Variants in DPYSL5 observed in about 807,000 individuals in gnomAD.
DPYSL5 encodes the protein dihydropyrimidinase-related protein 5.
A neutral mutation model predicts 58.4 loss-of-function variants in DPYSL5; 9 were observed. The ratio of observed to expected loss-of-function variants is 0.15; its 90% confidence interval spans 0.09 to 0.27. DPYSL5 has a LOEUF of 0.27. Ranked by LOEUF, DPYSL5 falls within the 10% of genes least tolerant of loss-of-function variation. DPYSL5 has a pLI of 1.00. For synonymous variants in DPYSL5, 293 were observed against 301.9 expected, an observed-to-expected ratio of 0.97 and a Z score of 0.31; for missense variants, 499 against 770.6, an observed-to-expected ratio of 0.65 and a Z score of 4.17.
At chr2:26,913,154 A>G (rs1307403900) in intron 2 of DPYSL5, among the ~76,000 whole-genome samples, 1 of 152,206 alleles carries the variant, frequency 6.6e-6, no homozygotes, top group Non-Finnish European at 1.5e-5. Context: ...GTACATTCGC[A>G]TTGTTGTGCA....
chr2:26,940,260 C>T (rs978257833), intron 9 of DPYSL5, 88 bp downstream of exon 9: 7 of 1,472,172 alleles, frequency 4.8e-6, no homozygotes, highest in Non-Finnish European at 6.4e-6. Flanking sequence ...GTATTCACTC[C>T]TCAGATCCTG....
chr2:26,881,145 C>T, intron 1 of DPYSL5, among the ~76,000 whole-genome samples: 1 of 152,114 alleles, frequency 6.6e-6, no homozygotes, highest in East Asian at 1.9e-4. Flanking sequence ...AAGGTCACTG[C>T]CCTCACCTGT....
At position 26,880,782 on chromosome 2, in the gene DPYSL5, G is replaced by A. The variant is rs187257467; in HGVS notation, c.-4-17714G>A. 2.0e-5 allele frequency among the ~76,000 whole-genome samples: 3 copies of A among 152,330 alleles called. 1 individual carries two copies. The East Asian group carries it at 5.8e-4, about 29-fold the overall frequency. Reference sequence around the variant, plus strand: ...CGTTCCTGTGGCTGACGCTGTAAATGCAAGCTGCTTTCTCACCGCCATCTC... The same window carrying A: ...CGTTCCTGTGGCTGACGCTGTAAATACAAGCTGCTTTCTCACCGCCATCTC... On this transcript the variant is annotated intron_variant, in intron 1 of 12. Transcript: ENST00000288699.
intron 6 of DPYSL5, among the ~76,000 whole-genome samples, chr2:26,932,006 CAAAAAAAA>C (rs70953833): frequency 3.1e-4 from 13 of 42,568 alleles, no homozygotes; most frequent in African/African-American, 7.5e-4. Flanking sequence ...GAGACTCTGT[CAAAAAAAA>C]AAAAAAAAAA....
At chr2:26,929,036 G>T (rs1012077736) in intron 5 of DPYSL5, among the ~76,000 whole-genome samples, 4 of 152,000 alleles carry the variant, frequency 2.6e-5, no homozygotes, top group Non-Finnish European at 4.4e-5. Context: ...GTACAGGACC[G>T]CAGAGCAGGA....
chr2:26,859,324 A>G (rs1204165013), intron 1 of DPYSL5, among the ~76,000 whole-genome samples: 1 of 152,004 alleles, frequency 6.6e-6, no homozygotes, highest in African/African-American at 2.4e-5. Context: ...TACCTAGCTG[A>G]TAATATGTTT....
chr2:26,931,597 AGAT>A (rs773922062), intron 5 of DPYSL5, 40 bp from the exon 6 acceptor site: 1 of 1,612,220 alleles, frequency 6.2e-7, no homozygotes, highest in Non-Finnish European at 8.5e-7. Flanking sequence ...TCCTTGGAGG[AGAT>A]GGTGAAGTTT....
At chr2:26,911,934 C>T (rs1664450035) in intron 2 of DPYSL5, among the ~76,000 whole-genome samples, 1 of 152,192 alleles carries the variant, frequency 6.6e-6, no homozygotes. Context: ...TTTTTCCCAC[C>T]AGGTGGAAAA....
In DPYSL5 at chr2:26,950,250, G is replaced by A. The variant is rs570841093; in HGVS notation, c.*3255G>A. ...GCTAAGACTGTGTCAACCCCAAGAC[G>A]ACACATGGTCCTGTGCTTTGGCCAC... On this transcript the variant is annotated 3_prime_UTR_variant, in exon 13 of 13. Coordinates refer to ENST00000288699, the MANE Select transcript of DPYSL5 (RefSeq NM_020134.4). The surrounding 1 kb of genome is among the most constrained non-coding windows in gnomAD (Gnocchi z 5.3). The A allele has an allele frequency of 2.6e-5, 4 of 152,310 alleles. No individual in the cohort carries two copies. Among genetic ancestry groups the A allele is most frequent in the South Asian group, 4.1e-4 (2 of 4,826 alleles). The allele number at this position is 152,310 out of a possible 1,614,324, so 9.4% of individuals were successfully genotyped here.
At chr2:26,888,243 T>TTCTG (rs1312847378) in intron 1 of DPYSL5, among the ~76,000 whole-genome samples, 83 of 145,322 alleles carry the variant, frequency 5.7e-4, no homozygotes, top group African/African-American at 1.8e-3. Flanking sequence ...CTTTCTTTCT[T>TTCTG]TCTTTCTTTC....
chr2:26,918,069 G>A (rs138235848), intron 2 of DPYSL5, among the ~76,000 whole-genome samples: 1,660 of 151,118 alleles, frequency 0.011, 26 homozygotes, highest in African/African-American at 0.038. Flanking sequence ...CCTGGGAGGC[G>A]GAGGTTTCAG....
intron 2 of DPYSL5, among the ~76,000 whole-genome samples, chr2:26,904,493 T>A (rs550710491): frequency 2.6e-5 from 4 of 152,322 alleles, no homozygotes; most frequent in African/African-American, 7.2e-5. Flanking sequence ...ACTCATATGG[T>A]CTTGCTTATT....
chr2:26,899,427 T>C (rs1025715707), intron 2 of DPYSL5, among the ~76,000 whole-genome samples: 5 of 152,176 alleles, frequency 3.3e-5, no homozygotes, highest in African/African-American at 1.2e-4. Flanking sequence ...TCCCGTGTGC[T>C]CCAACACCTC....
At chr2:26,865,651 C>T (rs1666122612) in intron 1 of DPYSL5, among the ~76,000 whole-genome samples, 1 of 152,138 alleles carries the variant, frequency 6.6e-6, no homozygotes, top group Admixed American at 6.5e-5. Context: ...TTGAAGTCAT[C>T]AGAGCCCACT....
At chr2:26,931,500 G>A in intron 5 of DPYSL5, 140 bp from the exon 6 acceptor site, 1 of 824,224 alleles carries the variant, frequency 1.2e-6, no homozygotes, top group East Asian at 2.7e-5. Context: ...CAAGGTAGTT[G>A]GAGGTTAGTG....
chr2:26,930,434 AC>A, intron 5 of DPYSL5, among the ~76,000 whole-genome samples: 1 of 152,282 alleles, frequency 6.6e-6, no homozygotes, highest in Admixed American at 6.5e-5. Flanking sequence ...GCTTGTCCCA[AC>A]CTGGGGGGCA....
At chr2:26,857,842 CACA>C (rs1158640557) in intron 1 of DPYSL5, among the ~76,000 whole-genome samples, 13 of 152,184 alleles carry the variant, frequency 8.5e-5, no homozygotes, top group African/African-American at 3.1e-4. Flanking sequence ...AAAGATAAGG[CACA>C]ACAATATGAG....
chr2:26,931,503 G>A, intron 5 of DPYSL5, 137 bp from the exon 6 acceptor site: 1 of 871,722 alleles, frequency 1.1e-6, no homozygotes, highest in Non-Finnish European at 1.8e-6. Context: ...GGTAGTTGGA[G>A]GTTAGTGCCT....
intron 1 of DPYSL5, among the ~76,000 whole-genome samples, chr2:26,868,372 TGG>T (rs1328449243): frequency 1.3e-5 from 2 of 152,212 alleles, no homozygotes; most frequent in African/African-American, 4.8e-5. Context: ...TGTGTGTGTG[TGG>T]CCTCTGAGTT....
Sources: allele counts gnomAD v4.1 joint callset (sites outside exome capture counted in the v4.1 genomes callset), GRCh38; gene constraint gnomAD v4.1.1; non-coding constraint Gnocchi (gnomAD v3.1); transcripts MANE v1.5; gene names NCBI Gene and HGNC (gene_info 2026-07-23, HGNC 2026-07-21).